The following TBC1D5 variants were observed in gnomAD, a reference collection of about 807,000 sequenced individuals.
TBC1D5 encodes the protein TBC1 domain family, member 5.
TBC1D5 carries 75 observed loss-of-function variants against 100.3 expected under a neutral mutation model. The observed-to-expected ratio is 0.75, with a 90% confidence interval of 0.62 to 0.91. The LOEUF (loss-of-function observed/expected upper bound fraction) is 0.91, where lower values mean the gene tolerates loss of function less well. TBC1D5 is among the 40% of genes least tolerant of loss of function. The probability of loss-of-function intolerance (pLI) is 0.00; values close to 1 mark genes in which losing one functional copy is unlikely to be tolerated. For synonymous variants in TBC1D5, 323 were observed against 325.6 expected, an observed-to-expected ratio of 0.99 and a Z score of 0.09; for missense variants, 910 against 942.4, an observed-to-expected ratio of 0.97 and a Z score of 0.45.
chr3:17,646,900 C>T (rs2065068572), intron 1 of TBC1D5: 1 of 152,146 alleles, frequency 6.6e-6, no homozygotes, highest in African/African-American at 2.4e-5. Flanking sequence ...TGTTCCAACC[C>T]CTCCCACTTT....
chr3:17,599,066 T>A (rs2060760591), intron 2 of TBC1D5, among the ~76,000 whole-genome samples: 1 of 151,868 alleles, frequency 6.6e-6, no homozygotes, highest in African/African-American at 2.4e-5. Context: ...CAAAAGTAAG[T>A]TTAGTAAATT....
intron 19 of TBC1D5, among the ~76,000 whole-genome samples, chr3:17,176,725 A>G (rs1462385824): frequency 6.6e-6 from 1 of 151,998 alleles, no homozygotes; most frequent in East Asian, 1.9e-4. Context: ...GGTGCAGCAA[A>G]CCACCATGGC....
At chr3:17,259,069 A>AT (rs1203539096) in intron 15 of TBC1D5, among the ~76,000 whole-genome samples, 3 of 152,142 alleles carry the variant, frequency 2.0e-5, no homozygotes, top group East Asian at 1.9e-4. Context: ...AAAATGAGTT[A>AT]TTTTCAGAAT....
chr3:17,673,843 G>C (rs965544844), intron 1 of TBC1D5, among the ~76,000 whole-genome samples: 26 of 152,086 alleles, frequency 1.7e-4, no homozygotes, highest in African/African-American at 7.2e-5. Flanking sequence ...TTCAAGTCAA[G>C]TTCTCAGGAG....
intron 13 of TBC1D5, among the ~76,000 whole-genome samples, chr3:17,361,191 A>G (rs958963920): frequency 6.6e-6 from 1 of 152,074 alleles, no homozygotes; most frequent in Non-Finnish European, 1.5e-5. Context: ...GAAAAGTACC[A>G]GTAAACAAAA....
intron 19 of TBC1D5, chr3:17,184,617 C>T (rs1327240266): frequency 6.6e-6 from 1 of 152,030 alleles, no homozygotes; most frequent in Admixed American, 6.6e-5. Flanking sequence ...AACCTCAAAC[C>T]CCTGGGTTTA....
chr3:17,302,605 T>G (rs1016852172), intron 14 of TBC1D5, among the ~76,000 whole-genome samples: 1 of 152,154 alleles, frequency 6.6e-6, no homozygotes, highest in African/African-American at 2.4e-5. Flanking sequence ...TGATGAAAAC[T>G]ATAGACATTT....
intron 19 of TBC1D5, among the ~76,000 whole-genome samples, chr3:17,180,890 C>T (rs553966691): frequency 3.5e-5 from 5 of 143,464 alleles, no homozygotes; most frequent in South Asian, 2.2e-4. Flanking sequence ...GTATCAAAAG[C>T]GCATTTGTAC....
chr3:17,178,105 G>C (rs1296059337), intron 19 of TBC1D5, among the ~76,000 whole-genome samples: 8 of 132,210 alleles, frequency 6.1e-5, no homozygotes, highest in East Asian at 2.1e-4. Flanking sequence ...TCGCTCTGTC[G>C]CCCAGGCTGG....
intron 18 of TBC1D5, among the ~76,000 whole-genome samples, chr3:17,189,152 T>C (rs114434263): frequency 9.2e-4 from 140 of 152,320 alleles, no homozygotes; most frequent in Non-Finnish European, 1.6e-3. Context: ...ACACAGCATC[T>C]GGCACAGAGC....
At chr3:17,638,093 CT>C (rs1034297381) in intron 1 of TBC1D5, among the ~76,000 whole-genome samples, 37 of 151,826 alleles carry the variant, frequency 2.4e-4, no homozygotes, top group African/African-American at 8.7e-4. Flanking sequence ...TATTCTTCTT[CT>C]TTTTTTTAAT....
chr3:17,354,330 G>A (rs1217362061), intron 13 of TBC1D5, among the ~76,000 whole-genome samples: 1 of 152,058 alleles, frequency 6.6e-6, no homozygotes, highest in African/African-American at 2.4e-5. Flanking sequence ...CCTTCTGATA[G>A]ACTTTATCAC....
intron 17 of TBC1D5, among the ~76,000 whole-genome samples, chr3:17,218,243 T>A (rs1385796456): frequency 6.6e-6 from 1 of 152,012 alleles, no homozygotes; most frequent in African/African-American, 2.4e-5. Context: ...ATATAACAAG[T>A]TTTGAAATCA....
At chr3:17,263,588 C>A (rs2078556730) in intron 15 of TBC1D5, among the ~76,000 whole-genome samples, 1 of 152,082 alleles carries the variant, frequency 6.6e-6, no homozygotes, top group Non-Finnish European at 1.5e-5. Context: ...ACTCTATTTA[C>A]AGCTTTTTCT....
At chr3:17,353,156 C>T (rs2090834697) in intron 13 of TBC1D5, among the ~76,000 whole-genome samples, 1 of 151,976 alleles carries the variant, frequency 6.6e-6, no homozygotes, top group Non-Finnish European at 1.5e-5. Flanking sequence ...CTGCAAGAGA[C>T]TTGGTATTAC....
intron 13 of TBC1D5, among the ~76,000 whole-genome samples, chr3:17,362,303 G>C (rs754143844): frequency 2.0e-5 from 3 of 152,166 alleles, no homozygotes; most frequent in African/African-American, 7.2e-5. Context: ...TTAAGTGTTT[G>C]CTCTATGAAA....
At chr3:17,451,274 C>T (rs2094921205) in intron 3 of TBC1D5, among the ~76,000 whole-genome samples, 1 of 152,172 alleles carries the variant, frequency 6.6e-6, no homozygotes, top group Admixed American at 6.5e-5. Flanking sequence ...ACTGCAAAAA[C>T]ATACCAAAAT....
intron 13 of TBC1D5, among the ~76,000 whole-genome samples, chr3:17,351,342 A>C (rs2090552036): frequency 6.6e-6 from 1 of 152,188 alleles, no homozygotes; most frequent in African/African-American, 2.4e-5. Flanking sequence ...AATGCCCTTC[A>C]ATGTTAGACT....
In TBC1D5 at chr3:17,225,160, C is replaced by T. The variant is rs568032419; in HGVS notation, c.1589-10790G>A. Among the ~76,000 whole-genome samples the T allele has an allele frequency of 5.9e-5, 9 of 152,170 alleles. No individual in the cohort carries two copies. In the South Asian group the frequency reaches 1.7e-3, roughly 28 times the overall value. On this transcript the variant is annotated intron_variant, in intron 17 of 21. Coordinates refer to ENST00000253692, the Ensembl canonical transcript of TBC1D5. ...AAAATATACATATAAAATAACAGGCCGGACGCGGTGGCTCACGCCTGTAAT... is the reference window on the plus strand; with the variant it reads ...AAAATATACATATAAAATAACAGGCTGGACGCGGTGGCTCACGCCTGTAAT...
Sources: allele counts gnomAD v4.1 joint callset (sites outside exome capture counted in the v4.1 genomes callset), GRCh38; gene constraint gnomAD v4.1.1; transcripts MANE v1.5; gene names NCBI Gene and HGNC (gene_info 2026-07-23, HGNC 2026-07-21).